Variants in ADAMTS18 observed in about 807,000 individuals in gnomAD.
The protein encoded by ADAMTS18 is ADAM metallopeptidase with thrombospondin type 1 motif 18.
In ADAMTS18, 157 loss-of-function variants were observed where a neutral mutation model predicts 165.9. The ratio of observed to expected loss-of-function variants is 0.95; its 90% confidence interval spans 0.83 to 1.08. The LOEUF is 1.08. Among genes scored for constraint, ADAMTS18 ranks in the 50% least tolerant of loss-of-function variants. The pLI, the probability that ADAMTS18 is intolerant of heterozygous loss-of-function variation, is 0.00. For synonymous variants in ADAMTS18, 782 were observed against 578.2 expected, an observed-to-expected ratio of 1.35 and a Z score of -5.06; for missense variants, 2,040 against 1,534.0, an observed-to-expected ratio of 1.33 and a Z score of -5.51.
intron 16 of ADAMTS18, among the ~76,000 whole-genome samples, chr16:77,302,207 C>A (rs972160764): frequency 2.0e-5 from 3 of 152,018 alleles, no homozygotes; most frequent in African/African-American, 7.2e-5. Context: ...AATACAGAAA[C>A]TTTACAGTTT....
chr16:77,284,800 G>A (rs2055216690), intron 22 of ADAMTS18, among the ~76,000 whole-genome samples: 1 of 152,096 alleles, frequency 6.6e-6, no homozygotes, highest in South Asian at 2.1e-4. Flanking sequence ...GGTTCTGATT[G>A]AGAAGGGCTG....
intron 3 of ADAMTS18, among the ~76,000 whole-genome samples, chr16:77,373,309 C>T (rs2056902498): frequency 6.6e-6 from 1 of 151,848 alleles, no homozygotes; most frequent in African/African-American, 2.4e-5. Context: ...CCTGTCTCTA[C>T]TAAAAATACA....
Position 77,307,809 on chromosome 16 carries a change from C to A in ADAMTS18, c.2533-7405G>T, listed in dbSNP as rs75665735. ...TTGTATCTTGAGGCACTTCCTTACT[C>A]ATTTCAGCCCCTTTACCTTGGGGAG... On this transcript the variant is annotated intron_variant, in intron 16 of 22. Coordinates refer to ENST00000282849, the MANE Select transcript of ADAMTS18 (RefSeq NM_199355.4). 6.9e-3 allele frequency among the ~76,000 whole-genome samples: 1,051 copies of A among 152,244 alleles called. 14 individuals are homozygous for A. Among genetic ancestry groups the A allele is most frequent in the African/African-American group, 0.023 (974 of 41,530 alleles).
chr16:77,380,564 G>C (rs962029720), intron 3 of ADAMTS18, among the ~76,000 whole-genome samples: 1 of 151,954 alleles, frequency 6.6e-6, no homozygotes, highest in Non-Finnish European at 1.5e-5. Context: ...ATAGCAAAAT[G>C]GTTGATATTC....
At chr16:77,322,499 C>G (rs767444098) in intron 13 of ADAMTS18, 33 bp from the exon 14 acceptor site, 26 of 1,611,238 alleles carry the variant, frequency 1.6e-5, no homozygotes, top group Non-Finnish European at 2.1e-5. Flanking sequence ...AGGAAATGGT[C>G]AAGAGGAAAC....
intron 6 of ADAMTS18, among the ~76,000 whole-genome samples, chr16:77,362,972 T>G (rs925535025): frequency 4.6e-5 from 7 of 152,208 alleles, no homozygotes; most frequent in African/African-American, 1.7e-4. Flanking sequence ...CAAAAACCAT[T>G]TGACAAGCTG....
chr16:77,388,478 C>A (rs2057140379), intron 3 of ADAMTS18, among the ~76,000 whole-genome samples: 1 of 152,212 alleles, frequency 6.6e-6, no homozygotes, highest in Non-Finnish European at 1.5e-5. Context: ...GATCACGCCA[C>A]AGACTGGAAC....
At chr16:77,412,591 A>G (rs577687323) in intron 3 of ADAMTS18, among the ~76,000 whole-genome samples, 113 of 152,314 alleles carry the variant, frequency 7.4e-4, no homozygotes, top group Non-Finnish European at 1.3e-3. Flanking sequence ...AAAGAAAAGA[A>G]GTTTAAGGGG....
intron 4 of ADAMTS18, among the ~76,000 whole-genome samples, chr16:77,364,777 GAAAGC>G (rs1278397724): frequency 1.3e-5 from 2 of 149,308 alleles, no homozygotes; most frequent in Non-Finnish European, 3.0e-5. Flanking sequence ...GAAAGCAAAG[GAAAGC>G]AAAGCAAAGC....
chr16:77,330,062 G>A (rs1165399362), intron 12 of ADAMTS18, among the ~76,000 whole-genome samples: 1 of 152,110 alleles, frequency 6.6e-6, no homozygotes, highest in Non-Finnish European at 1.5e-5. Flanking sequence ...ATAAGAATAT[G>A]AGATATGGAA....
At chr16:77,322,280 C>T (rs138751112) in intron 14 of ADAMTS18, 56 bp downstream of exon 14, 13 of 1,602,160 alleles carry the variant, frequency 8.1e-6, no homozygotes, top group Admixed American at 3.3e-5. Context: ...ACGGTACACA[C>T]GATATGATAA....
chr16:77,321,304 G>A, intron 14 of ADAMTS18, 102 bp from the exon 15 acceptor site: 2 of 1,483,108 alleles, frequency 1.3e-6, no homozygotes, highest in Non-Finnish European at 1.9e-6. Context: ...AGAACATTAG[G>A]GAAGCAGTAC....
chr16:77,429,758 T>C (rs2057716232), intron 3 of ADAMTS18, among the ~76,000 whole-genome samples: 1 of 152,090 alleles, frequency 6.6e-6, no homozygotes, highest in African/African-American at 2.4e-5. Context: ...GTGCTAAACA[T>C]GAGGAGGCTA....
At chr16:77,333,962 T>A (rs1293750045) in intron 12 of ADAMTS18, among the ~76,000 whole-genome samples, 1 of 138,458 alleles carries the variant, frequency 7.2e-6, no homozygotes, top group Non-Finnish European at 1.5e-5. Context: ...ATATACTATA[T>A]ATAATATAGT....
intron 16 of ADAMTS18, among the ~76,000 whole-genome samples, chr16:77,312,679 C>T (rs1597108396): frequency 6.6e-6 from 1 of 152,074 alleles, no homozygotes; most frequent in Non-Finnish European, 1.5e-5. Flanking sequence ...GAATATGCAG[C>T]CAAATATGAA....
chr16:77,366,431 G>A (rs963028486), intron 4 of ADAMTS18, among the ~76,000 whole-genome samples: 5 of 152,108 alleles, frequency 3.3e-5, no homozygotes, highest in South Asian at 2.1e-4. Flanking sequence ...GCTGGCGTGC[G>A]CCTATAATTC....
At chr16:77,365,949 C>G (rs888216516) in intron 4 of ADAMTS18, among the ~76,000 whole-genome samples, 1 of 152,166 alleles carries the variant, frequency 6.6e-6, no homozygotes, top group Non-Finnish European at 1.5e-5. Flanking sequence ...GCTTTGATGT[C>G]TCATATCAAA....
At chr16:77,369,812 G>T (rs978957968) in intron 3 of ADAMTS18, among the ~76,000 whole-genome samples, 2 of 152,124 alleles carry the variant, frequency 1.3e-5, no homozygotes, top group African/African-American at 4.8e-5. Context: ...CAGTATACCT[G>T]ATGAACACAG....
At chr16:77,431,788 C>G (rs1260713242) in intron 2 of ADAMTS18, 177 bp from the exon 3 acceptor site, 1 of 681,036 alleles carries the variant, frequency 1.5e-6, no homozygotes, top group Non-Finnish European at 2.6e-6. Flanking sequence ...GTCTCTACAA[C>G]TAACTCGGCC....
Sources: gnomAD v4.1 joint callset for allele counts (sites outside exome capture counted in the v4.1 genomes callset) on GRCh38, gnomAD v4.1.1 for gene constraint, MANE v1.5 for transcripts, NCBI Gene and HGNC (gene_info 2026-07-23, HGNC 2026-07-21) for gene names.